The following XKRX variants were observed in gnomAD, a reference collection of about 807,000 sequenced individuals.
XKRX encodes the protein XK-related protein 2.
A neutral mutation model predicts 22.4 loss-of-function variants in XKRX; 11 were observed. That is an observed-to-expected ratio of 0.49 (90% confidence interval 0.31 to 0.81). XKRX has a LOEUF of 0.81. XKRX is among the 40% of genes least tolerant of loss of function. The pLI, the probability that XKRX is intolerant of heterozygous loss-of-function variation, is 0.05. For synonymous variants in XKRX, 114 were observed against 132.2 expected (o/e 0.86, Z 0.94); for missense variants, 320 against 336.5 (o/e 0.95, Z 0.38).
upstream of XKRX, among the ~76,000 whole-genome samples, chrX:100,934,258 C>A (rs777654086): frequency 8.9e-6 from 1 of 111,737 alleles, no homozygotes; most frequent in Non-Finnish European, 1.9e-5. Context: ...CACAGAGAAA[C>A]AACCAATTGG....
the XKRX span, chrX:100,888,431 G>A: frequency 8.3e-5 from 83 of 997,868 alleles, no homozygotes; most frequent in African/African-American, 1.0e-3. Context: ...AAAGCCCCTG[G>A]AGCGCTTGGT....
the XKRX span, among the ~76,000 whole-genome samples, chrX:100,950,780 C>T: frequency 8.9e-6 from 1 of 112,099 alleles, no homozygotes; most frequent in Non-Finnish European, 1.9e-5. Flanking sequence ...TTAAGCAACA[C>T]ACATAAATAT....
In XKRX at chrX:100,928,441, C is replaced by G. The variant is rs2085507822; in HGVS notation, c.-137G>C. 2 of 1,131,125 alleles carry G rather than the reference C, an allele frequency of 1.8e-6. No homozygotes were observed. The highest frequency in any genetic ancestry group is 6.2e-5 in the Admixed American group (2 of 32,422). 93.2% of individuals were successfully genotyped at this position (1,131,125 alleles called of 1,213,427 possible). A position where few individuals can be genotyped will look rare whatever the true frequency, so the allele number is the denominator to read the frequency against. ...CAAGTCCAGTTTGGGAACAGAGATT[C>G]ACTAGTTAGAGCAAGAAACCGCTCT... On this transcript the variant is annotated 5_prime_UTR_variant, in exon 1 of 3. Transcript: ENST00000372956.
At chrX:100,957,247 G>C in the XKRX span, 1 of 984,042 alleles carries the variant, frequency 1.0e-6, no homozygotes, top group South Asian at 1.9e-5. Context: ...CTGATCATTG[G>C]TAGATTTGAC....
chrX:100,955,576 G>A, the XKRX span, among the ~76,000 whole-genome samples: 1 of 111,560 alleles, frequency 9.0e-6, no homozygotes, highest in Non-Finnish European at 1.9e-5. Context: ...AGGAGGCTGA[G>A]GCAGGAGAAT....
chrX:100,944,527 T>A, the XKRX span, among the ~76,000 whole-genome samples: 1 of 111,138 alleles, frequency 9.0e-6, no homozygotes, highest in Non-Finnish European at 1.9e-5. Flanking sequence ...CACACCCAGC[T>A]AATTATTGTA....
At chrX:100,918,345 A>C (rs1040000945) in intron 2 of XKRX, among the ~76,000 whole-genome samples, 2 of 111,763 alleles carry the variant, frequency 1.8e-5, no homozygotes, top group Non-Finnish European at 3.8e-5. Context: ...AACCATTCTC[A>C]GTCCCATCCT....
At chrX:100,929,129 G>A (rs930711508), upstream of XKRX, 1 of 112,480 alleles carries the variant, frequency 8.9e-6, no homozygotes, top group South Asian at 3.7e-4. Context: ...CACGATGTGC[G>A]GGGCGCCAAC....
the XKRX span, among the ~76,000 whole-genome samples, chrX:100,943,219 A>G: frequency 3.6e-5 from 4 of 111,757 alleles, no homozygotes; most frequent in Non-Finnish European, 1.9e-5. Context: ...AAACATAAAT[A>G]TTTTTCTTAA....
chrX:100,923,699 C>G (rs1295431902), intron 1 of XKRX, among the ~76,000 whole-genome samples: 1 of 111,653 alleles, frequency 9.0e-6, no homozygotes, highest in Admixed American at 9.5e-5. Context: ...TAAGTCGATA[C>G]TGTTTTCCTA....
At chrX:100,907,530 G>A in the XKRX span, among the ~76,000 whole-genome samples, 1 of 111,767 alleles carries the variant, frequency 8.9e-6, no homozygotes, top group Non-Finnish European at 1.9e-5. Flanking sequence ...AGCACATGCT[G>A]TATGCAGCTA....
At chrX:100,911,064 T>C (rs1423286073), downstream of XKRX, 1 of 553,958 alleles carries the variant, frequency 1.8e-6, no homozygotes, top group Non-Finnish European at 3.3e-6. Context: ...AAATGGGAAG[T>C]CCCTCTGCCT....
the XKRX span, among the ~76,000 whole-genome samples, chrX:100,906,303 G>T: frequency 9.0e-6 from 1 of 111,627 alleles, no homozygotes; most frequent in Admixed American, 9.5e-5. Context: ...TCTTGATGTT[G>T]TACATTCTAT....
At chrX:100,910,928 A>G (rs193176481), downstream of XKRX, 351 of 569,660 alleles carry the variant, frequency 6.2e-4, 5 homozygotes, top group East Asian at 0.011. Context: ...GAGAAACACC[A>G]AACACAAGAA....
chrX:100,917,694 G>GAAAGAAAGAAAGAAAGAAAGAA (rs2147939431), intron 2 of XKRX, among the ~76,000 whole-genome samples: 1 of 99,880 alleles, frequency 1.0e-5, no homozygotes, highest in African/African-American at 3.9e-5. Flanking sequence ...AAGAAAGAAA[G>GAAAGAAAGAAAGAAAGAAAGAA]AAAGAAAGAA....
At chrX:100,941,682 A>G in the XKRX span, among the ~76,000 whole-genome samples, 1 of 112,486 alleles carries the variant, frequency 8.9e-6, no homozygotes, top group African/African-American at 3.2e-5. Context: ...CTAATGGACA[A>G]GCATAAAGAG....
upstream of XKRX, among the ~76,000 whole-genome samples, chrX:100,930,325 A>ATGATG (rs370531719): frequency 9.6e-4 from 99 of 103,188 alleles, no homozygotes; most frequent in African/African-American, 3.4e-3. Context: ...TAATAATAAT[A>ATGATG]ATGATGATTA....
the XKRX span, among the ~76,000 whole-genome samples, chrX:100,937,721 C>G: frequency 8.9e-6 from 1 of 112,244 alleles, no homozygotes; most frequent in African/African-American, 3.2e-5. Context: ...GACACCAAGG[C>G]TCTTGATTTC....
the XKRX span, among the ~76,000 whole-genome samples, chrX:100,948,956 C>T: frequency 7.1e-5 from 8 of 112,699 alleles, no homozygotes; most frequent in African/African-American, 2.6e-4. Flanking sequence ...CCCTCCATTC[C>T]GCATTCCCCC....
Sources: gnomAD v4.1 joint callset for allele counts (sites outside exome capture counted in the v4.1 genomes callset) on GRCh38, gnomAD v4.1.1 for gene constraint, MANE v1.5 for transcripts, NCBI Gene and HGNC (gene_info 2026-07-23, HGNC 2026-07-21) for gene names.